Variants in FGF13 observed in about 807,000 individuals in gnomAD.
FGF13 encodes fibroblast growth factor 13, also known as fibroblast growth factor homologous factor 2.
In FGF13, 2 loss-of-function variants were observed where a neutral mutation model predicts 19.5. That is an observed-to-expected ratio of 0.10 (90% confidence interval 0.04 to 0.32). FGF13 has a LOEUF of 0.32. Among genes scored for constraint, FGF13 ranks in the 10% least tolerant of loss-of-function variants. The pLI is 1.00. For missense variants in FGF13, 113 were observed against 192.7 expected (o/e 0.59, Z 2.45); for synonymous variants, 72 against 76.9 (o/e 0.94, Z 0.33).
intron 3 of FGF13, among the ~76,000 whole-genome samples, chrX:138,848,730 G>A (rs775631131): frequency 7.5e-4 from 84 of 111,575 alleles, no homozygotes; most frequent in Non-Finnish European, 1.2e-3. Context: ...GAGCTCAGGC[G>A]TCAGTAGTAT....
intron 3 of FGF13, 40 bp from the exon 4 acceptor site, chrX:138,635,695 G>C: frequency 9.4e-7 from 1 of 1,064,263 alleles, no homozygotes; most frequent in Non-Finnish European, 1.3e-6. Flanking sequence ...AGTGTTTATA[G>C]CTATGAATTT....
intron 1 of FGF13, among the ~76,000 whole-genome samples, chrX:138,928,685 C>CA (rs2091685935): frequency 9.0e-6 from 1 of 111,705 alleles, no homozygotes; most frequent in Non-Finnish European, 1.9e-5. Flanking sequence ...GGCTGGGAAA[C>CA]AATCTTAGAA....
At chrX:139,037,409 C>T (rs2092254158) in intron 1 of FGF13, among the ~76,000 whole-genome samples, 1 of 109,823 alleles carries the variant, frequency 9.1e-6, no homozygotes, top group Non-Finnish European at 1.9e-5. Flanking sequence ...TTATTAGTTT[C>T]CTATTGGTGC....
At chrX:138,943,440 A>G (rs2091768181) in intron 1 of FGF13, among the ~76,000 whole-genome samples, 1 of 112,368 alleles carries the variant, frequency 8.9e-6, no homozygotes, top group Admixed American at 9.4e-5. Context: ...TGAGCTAGCT[A>G]GGAGCTCCCA....
At chrX:138,953,927 G>C (rs2091828010) in intron 1 of FGF13, among the ~76,000 whole-genome samples, 1 of 111,106 alleles carries the variant, frequency 9.0e-6, no homozygotes, top group Non-Finnish European at 1.9e-5. Context: ...TTTGTCTCTG[G>C]AAAGGGTGAG....
intron 3 of FGF13, among the ~76,000 whole-genome samples, chrX:138,649,564 C>T (rs190786956): frequency 3.6e-5 from 4 of 112,052 alleles, no homozygotes; most frequent in Admixed American, 9.4e-5. Context: ...CTTCCCTCCT[C>T]GGCCCTGTCA....
At chrX:139,030,286 AG>A (rs2092221616) in intron 1 of FGF13, among the ~76,000 whole-genome samples, 1 of 111,583 alleles carries the variant, frequency 9.0e-6, no homozygotes, top group Non-Finnish European at 1.9e-5. Flanking sequence ...TGAGCAGCTA[AG>A]CCTTAACGAC....
intron 1 of FGF13, among the ~76,000 whole-genome samples, chrX:138,881,830 TG>T (rs2091426768): frequency 9.0e-6 from 1 of 111,323 alleles, no homozygotes; most frequent in East Asian, 2.8e-4. Context: ...TCAATTGTTC[TG>T]ATCTTTTCAA....
chrX:138,816,953 A>G (rs1257269264), intron 3 of FGF13, among the ~76,000 whole-genome samples: 1 of 111,991 alleles, frequency 8.9e-6, no homozygotes, highest in African/African-American at 3.2e-5. Flanking sequence ...CTCACATTGC[A>G]TTTTAAAAAT....
intron 3 of FGF13, among the ~76,000 whole-genome samples, chrX:138,789,773 C>T (rs1355552718): frequency 3.7e-5 from 4 of 109,050 alleles, no homozygotes; most frequent in Admixed American, 3.0e-4. Flanking sequence ...CGGCCAGGCC[C>T]GGTGGCTCAT....
At chrX:138,722,145 A>C (rs2090151751) in intron 1 of FGF13, among the ~76,000 whole-genome samples, 1 of 111,734 alleles carries the variant, frequency 8.9e-6, no homozygotes, top group African/African-American at 3.3e-5. Context: ...ATGGTAGAGG[A>C]GGCCAGCAGG....
chrX:138,700,708 C>T (rs1388904908), intron 3 of FGF13, among the ~76,000 whole-genome samples: 2 of 111,723 alleles, frequency 1.8e-5, no homozygotes, highest in Admixed American at 9.5e-5. Flanking sequence ...TATATGAACT[C>T]CAGGATCATC....
chrX:138,881,569 C>T (rs776297557), intron 1 of FGF13, among the ~76,000 whole-genome samples: 3 of 111,706 alleles, frequency 2.7e-5, no homozygotes, highest in Admixed American at 9.5e-5. Context: ...TTTCAAATTA[C>T]GGATTCCATC....
chrX:138,763,068 C>A (rs140637444), intron 3 of FGF13, among the ~76,000 whole-genome samples: 2 of 110,787 alleles, frequency 1.8e-5, no homozygotes, highest in East Asian at 5.7e-4. Context: ...AATGGAGACA[C>A]CTGCTTAGCT....
chrX:138,965,226 C>T (rs950144200), intron 1 of FGF13, among the ~76,000 whole-genome samples: 31 of 112,367 alleles, frequency 2.8e-4, no homozygotes, highest in Non-Finnish European at 5.1e-4. Flanking sequence ...GATGTCAACT[C>T]CCTTACTCAT....
At chrX:139,093,334 C>G (rs1446393904) in intron 1 of FGF13, among the ~76,000 whole-genome samples, 1 of 111,906 alleles carries the variant, frequency 8.9e-6, no homozygotes, top group Non-Finnish European at 1.9e-5. Flanking sequence ...AATTTACTAC[C>G]CTGCCTGTGC....
chrX:138,848,449 T>A (rs1471129075), intron 3 of FGF13, among the ~76,000 whole-genome samples: 1 of 110,704 alleles, frequency 9.0e-6, no homozygotes, highest in Non-Finnish European at 1.9e-5. Context: ...AGATAGATTT[T>A]AAAAAAAAGT....
chrX:139,004,159 G>A (rs988380532), intron 1 of FGF13, among the ~76,000 whole-genome samples: 8 of 112,914 alleles, frequency 7.1e-5, no homozygotes, highest in African/African-American at 2.2e-4. Context: ...TGCAGGTCCC[G>A]AGCCCTGCCC....
intron 1 of FGF13, among the ~76,000 whole-genome samples, chrX:138,925,263 G>T (rs1237175768): frequency 9.0e-6 from 1 of 111,072 alleles, no homozygotes; most frequent in Non-Finnish European, 1.9e-5. Context: ...CTCATGCAAG[G>T]TCACACAGCA....
Sources: allele counts gnomAD v4.1 joint callset (sites outside exome capture counted in the v4.1 genomes callset), GRCh38; gene constraint gnomAD v4.1.1; transcripts MANE v1.5; gene names NCBI Gene and HGNC (gene_info 2026-07-23, HGNC 2026-07-21).